The following GNG7 variants were observed in gnomAD, a reference collection of about 807,000 sequenced individuals.
GNG7 encodes the protein guanine nucleotide-binding protein G(I)/G(S)/G(O) subunit gamma-7.
In GNG7, 1 loss-of-function variant was observed where a neutral mutation model predicts 4.0. That is an observed-to-expected ratio of 0.25 (90% CI 0.09 to 1.18). The LOEUF (loss-of-function observed/expected upper bound fraction) is 1.18, where lower values mean the gene tolerates loss of function less well. GNG7 is among the 50% of genes most tolerant of loss of function. The probability of loss-of-function intolerance (pLI) is 0.50; values close to 1 mark genes in which losing one functional copy is unlikely to be tolerated. For synonymous variants in GNG7, 34 were observed against 36.9 expected (o/e 0.92, Z 0.29); for missense variants, 86 against 91.9 (o/e 0.94, Z 0.26).
chr19:2,543,489 T>C (rs890448089), intron 3 of GNG7, among the ~76,000 whole-genome samples: 4 of 152,158 alleles, frequency 2.6e-5, no homozygotes, highest in African/African-American at 9.7e-5. Context: ...CCTCCCAAAG[T>C]GCTAGGATCC....
intron 2 of GNG7, among the ~76,000 whole-genome samples, chr19:2,619,882 C>T (rs954051502): frequency 2.6e-5 from 4 of 151,718 alleles, no homozygotes; most frequent in African/African-American, 7.3e-5. Flanking sequence ...AACCGCTGAG[C>T]TGCACATTTT....
At chr19:2,568,260 CAT>C (rs951776227) in intron 2 of GNG7, among the ~76,000 whole-genome samples, 22 of 150,432 alleles carry the variant, frequency 1.5e-4, no homozygotes, top group South Asian at 6.3e-4. Flanking sequence ...GACATACACA[CAT>C]ATAGAGACAC....
At chr19:2,564,379 G>C (rs1039329083) in intron 2 of GNG7, among the ~76,000 whole-genome samples, 1 of 152,070 alleles carries the variant, frequency 6.6e-6, no homozygotes, top group South Asian at 2.1e-4. Flanking sequence ...CCAGGAGTTC[G>C]AGACCAGCCT....
intron 2 of GNG7, among the ~76,000 whole-genome samples, chr19:2,630,020 TG>T (rs763046173): frequency 6.2e-4 from 92 of 149,314 alleles, no homozygotes; most frequent in Non-Finnish European, 1.1e-3. Context: ...AAATAAAGGT[TG>T]TTTTTTTTTT....
intron 2 of GNG7, among the ~76,000 whole-genome samples, chr19:2,585,414 G>A (rs1422998675): frequency 6.6e-6 from 1 of 152,040 alleles, no homozygotes; most frequent in Non-Finnish European, 1.5e-5. Flanking sequence ...ACACACACAC[G>A]GTGAACGATG....
At chr19:2,561,780 C>G (rs1979749322) in intron 2 of GNG7, among the ~76,000 whole-genome samples, 2 of 151,426 alleles carry the variant, frequency 1.3e-5, no homozygotes, top group Admixed American at 6.6e-5. Context: ...ACTCGGGAGG[C>G]TGAGGCAGGA....
rs147886062 is a variant in GNG7 at position 2,581,669 on chromosome 19, T to C, written c.-77-26481A>G. On this transcript the variant is annotated intron_variant, in intron 2 of 4. Coordinates refer to ENST00000382159, the MANE Select transcript of GNG7 (RefSeq NM_052847.3). ...TTGAGGGTGAGGACACTGTGACATG[T>C]TCCTCAACAAGATGCCTGGCCAGGC... 2.2e-3 allele frequency among the ~76,000 whole-genome samples: 331 copies of C among 152,322 alleles called. 1 individual carries two copies. Among genetic ancestry groups the C allele is most frequent in the Non-Finnish European group, 3.5e-3 (241 of 68,028 alleles).
At chr19:2,699,020 A>G (rs1185814829) in intron 1 of GNG7, among the ~76,000 whole-genome samples, 1 of 152,232 alleles carries the variant, frequency 6.6e-6, no homozygotes, top group Non-Finnish European at 1.5e-5. Context: ...TTCCAGGTTA[A>G]AACCAAGAAA....
chr19:2,592,825 AG>A (rs1373084484), intron 2 of GNG7, among the ~76,000 whole-genome samples: 2 of 132,264 alleles, frequency 1.5e-5, no homozygotes, highest in Non-Finnish European at 3.2e-5. Context: ...AGAGAGAGAG[AG>A]AGAGGGAGGG....
chr19:2,541,075 G>C (rs910095125), intron 3 of GNG7, among the ~76,000 whole-genome samples: 1 of 152,364 alleles, frequency 6.6e-6, no homozygotes, highest in South Asian at 2.1e-4. Flanking sequence ...GGACTTTACC[G>C]AGCGGCTCCT....
intron 2 of GNG7, among the ~76,000 whole-genome samples, chr19:2,564,101 G>T (rs1979828949): frequency 6.6e-6 from 1 of 152,162 alleles, no homozygotes; most frequent in Admixed American, 6.6e-5. Flanking sequence ...TCAAGAAAAA[G>T]AATGTGTATT....
chr19:2,678,402 G>A (rs2144896244), intron 1 of GNG7, among the ~76,000 whole-genome samples: 1 of 152,324 alleles, frequency 6.6e-6, no homozygotes, highest in African/African-American at 2.4e-5. Flanking sequence ...GGATTCAGAA[G>A]CTGCTGGGCT....
chr19:2,596,752 C>T (rs376933964), intron 2 of GNG7, among the ~76,000 whole-genome samples: 1 of 152,076 alleles, frequency 6.6e-6, no homozygotes, highest in Non-Finnish European at 1.5e-5. Context: ...CCATCCACCC[C>T]ACACTGTTAA....
rs1982203040 is a variant in GNG7, at chr19:2,633,031, C to T, written c.-78+13193G>A. Among the ~76,000 whole-genome samples the T allele has an allele frequency of 6.6e-6, 1 of 152,212 alleles. No homozygotes were observed. Among genetic ancestry groups the T allele is most frequent in the Non-Finnish European group, 1.5e-5 (1 of 68,034 alleles). Reference sequence around the variant, plus strand: ...CTTCTCAACAGACCCCACCTTGGGCCTCCCCAGGCTGCACCTTAACCATCT... The same window carrying T: ...CTTCTCAACAGACCCCACCTTGGGCTTCCCCAGGCTGCACCTTAACCATCT... On this transcript the variant is annotated intron_variant, in intron 2 of 4. Transcript: ENST00000382159. The surrounding 1 kb of genome is among the most constrained non-coding windows in gnomAD (Gnocchi z 5.9).
chr19:2,676,400 A>G (rs539870338), intron 1 of GNG7, among the ~76,000 whole-genome samples: 34 of 152,068 alleles, frequency 2.2e-4, no homozygotes, highest in African/African-American at 8.2e-4. Flanking sequence ...CCAGATAGAC[A>G]TTGATTTCCA....
At chr19:2,598,198 G>A (rs188602852) in intron 2 of GNG7, among the ~76,000 whole-genome samples, 47 of 152,216 alleles carry the variant, frequency 3.1e-4, no homozygotes, top group African/African-American at 1.1e-3. Context: ...CAACGCTTAC[G>A]AAAACCAAGG....
rs147870179 is a variant in GNG7 at position 2,534,454 on chromosome 19, C to T, written c.-37-13729G>A. Among the ~76,000 whole-genome samples, 30 of 152,344 alleles carry T rather than the reference C, an allele frequency of 2.0e-4. No homozygotes were observed. The South Asian group carries it at 3.3e-3, about 17-fold the overall frequency. ...AAAAATCAAGGCTTATTGTTCAATT[C>T]CCACTGCTAGGAATTCTTCCCCCAG... is the stretch of plus-strand genomic sequence containing the variant. On this transcript the variant is annotated intron_variant, in intron 3 of 4. Transcript: ENST00000382159.
At position 2,542,299 on chromosome 19, in the gene GNG7, C is replaced by T. The variant is rs192698642; in HGVS notation, c.-38+12850G>A. On this transcript the variant is annotated intron_variant, in intron 3 of 4. Coordinates refer to ENST00000382159, the MANE Select transcript of GNG7 (RefSeq NM_052847.3). ...CCAGCTAACTTTTGTATTTTTTAGT[C>T]GAGACGGGGTTTCACCATGTTGCCC... 3.3e-4 allele frequency among the ~76,000 whole-genome samples: 50 copies of T among 151,636 alleles called. No homozygotes were observed. In the East Asian group the frequency reaches 3.9e-3, roughly 12 times the overall value.
intron 2 of GNG7, among the ~76,000 whole-genome samples, chr19:2,582,541 G>A (rs540670027): frequency 5.3e-5 from 8 of 151,232 alleles, no homozygotes; most frequent in Non-Finnish European, 1.0e-4. Context: ...GGAGTGTAGT[G>A]GTACAATTGT....
Sources: allele counts gnomAD v4.1 joint callset (sites outside exome capture counted in the v4.1 genomes callset), GRCh38; gene constraint gnomAD v4.1.1; non-coding constraint Gnocchi (gnomAD v3.1); transcripts MANE v1.5; gene names NCBI Gene and HGNC (gene_info 2026-07-23, HGNC 2026-07-21).